The following SEPTIN9 variants were observed in gnomAD, a reference collection of about 807,000 sequenced individuals.
SEPTIN9 encodes the protein septin 9.
In SEPTIN9, 13 loss-of-function variants were observed where a neutral mutation model predicts 56.6. The observed-to-expected ratio is 0.23, with a 90% CI of 0.15 to 0.37. The LOEUF is 0.37. Among genes scored for constraint, SEPTIN9 ranks in the 10% least tolerant of loss-of-function variants. The pLI is 1.00. For missense variants in SEPTIN9, 650 were observed against 823.1 expected (o/e 0.79, Z 2.57); for synonymous variants, 332 against 334.1 (o/e 0.99, Z 0.07).
chr17:77,346,237 C>T (rs559558680), intron 2 of SEPTIN9, among the ~76,000 whole-genome samples: 8 of 139,048 alleles, frequency 5.8e-5, no homozygotes, highest in African/African-American at 1.8e-4. Flanking sequence ...CTACACTGCA[C>T]CTGGCCCATT....
At chr17:77,396,138 A>G (rs2144063675) in intron 2 of SEPTIN9, among the ~76,000 whole-genome samples, 1 of 152,182 alleles carries the variant, frequency 6.6e-6, no homozygotes, top group South Asian at 2.1e-4. Flanking sequence ...CTCCTGCTCT[A>G]TGGGTGGGGG....
At chr17:77,320,010 G>T in intron 2 of SEPTIN9, 1 of 1,303,974 alleles carries the variant, frequency 7.7e-7, no homozygotes, top group African/African-American at 1.5e-5. Flanking sequence ...CGGACTCCTC[G>T]GGGCCCACTT....
chr17:77,417,471 A>G (rs72896165), intron 3 of SEPTIN9, among the ~76,000 whole-genome samples: 2 of 152,312 alleles, frequency 1.3e-5, no homozygotes, highest in Non-Finnish European at 2.9e-5. Flanking sequence ...GATCCTTGTG[A>G]CTCTGGAACA....
chr17:77,405,026 AC>A lies in SEPTIN9; in HGVS notation c.721+2324del, dbSNP rs1370860777. On this transcript the variant is annotated intron_variant, in intron 3 of 11. Transcript: ENST00000427177. The surrounding 1 kb of genome is among the most constrained non-coding windows in gnomAD (Gnocchi z 5.8). ...CCCCATCCTGGGTTGATGTGTTCAC[AC>A]TCAGCTGAGTCAAACAGGATGTGGC... is the stretch of plus-strand genomic sequence containing the variant. The A allele has an allele frequency of 6.7e-7, 1 of 1,501,082 alleles. No individual in the cohort carries two copies. Among genetic ancestry groups the A allele is most frequent in the East Asian group, 2.5e-5 (1 of 40,692 alleles). 93.0% of individuals were successfully genotyped at this position (1,501,082 alleles called of 1,614,324 possible).
At chr17:77,381,116 T>C (rs1201061368) in intron 2 of SEPTIN9, among the ~76,000 whole-genome samples, 1 of 151,922 alleles carries the variant, frequency 6.6e-6, no homozygotes, top group African/African-American at 2.4e-5. Context: ...GGCCTGGGGG[T>C]CCTGGCACCT....
chr17:77,478,820 A>AAT lies in SEPTIN9; in HGVS notation c.722-3324_722-3323insAT, dbSNP rs57230060. Among the ~76,000 whole-genome samples, 1,294 of 151,226 alleles carry AAT rather than the reference A, an allele frequency of 8.6e-3. 7 individuals carry two copies. The highest frequency in any genetic ancestry group is 0.012 in the South Asian group (60 of 4,802). Reference sequence around the variant, plus strand: ...ACTCTGTCTAAAAAAAAAAAAAAAAAGGGTGGAACATACAAGGAATTTGAC... The same window carrying AAT: ...ACTCTGTCTAAAAAAAAAAAAAAAAAATGGGTGGAACATACAAGGAATTTGAC... On this transcript the variant is annotated intron_variant, in intron 3 of 11. Coordinates refer to ENST00000427177, the MANE Select transcript of SEPTIN9 (RefSeq NM_001113491.2).
At position 77,464,889 on chromosome 17, in the gene SEPTIN9, G is replaced by A. The variant is rs191759645; in HGVS notation, c.722-17255G>A. 5.3e-4 allele frequency among the ~76,000 whole-genome samples: 81 copies of A among 152,142 alleles called. 2 individuals carry two copies. In the South Asian group the frequency reaches 0.016, roughly 30 times the overall value. ...ATTACAGGCATGAGCCACTGCGCCC[G>A]GCTGACACAGGAAATTAACCATCAC... On this transcript the variant is annotated intron_variant, in intron 3 of 11. Coordinates refer to ENST00000427177, the MANE Select transcript of SEPTIN9 (RefSeq NM_001113491.2).
chr17:77,397,380 CGAGCACT>C (rs1280103494), intron 2 of SEPTIN9, among the ~76,000 whole-genome samples: 2 of 152,090 alleles, frequency 1.3e-5, no homozygotes, highest in East Asian at 3.9e-4. Flanking sequence ...ATAAGGACAC[CGAGCACT>C]GGATTTAGAG....
chr17:77,381,226 TC>T, intron 2 of SEPTIN9, among the ~76,000 whole-genome samples: 1 of 152,178 alleles, frequency 6.6e-6, no homozygotes, highest in African/African-American at 2.4e-5. Context: ...GTCTCATCTT[TC>T]TTTCTGGTGG....
At chr17:77,322,904 AG>A (rs1281309846) in intron 2 of SEPTIN9, 1 of 152,448 alleles carries the variant, frequency 6.6e-6, no homozygotes, top group Non-Finnish European at 1.5e-5. Flanking sequence ...TGTGTGACAG[AG>A]GCCTGCCCGG....
At chr17:77,320,120 C>T in intron 2 of SEPTIN9, 1 of 1,469,194 alleles carries the variant, frequency 6.8e-7, no homozygotes, top group African/African-American at 1.4e-5. Context: ...GGAGCACAAA[C>T]ATATGATCAG....
intron 3 of SEPTIN9, among the ~76,000 whole-genome samples, chr17:77,459,289 C>G (rs2038354250): frequency 6.6e-6 from 1 of 152,238 alleles, no homozygotes; most frequent in Non-Finnish European, 1.5e-5. Flanking sequence ...TGCCACCTCC[C>G]CAGACTCCTG....
At chr17:77,392,447 T>C (rs374092807) in intron 2 of SEPTIN9, among the ~76,000 whole-genome samples, 14 of 152,328 alleles carry the variant, frequency 9.2e-5, no homozygotes, top group South Asian at 6.2e-4. Context: ...GTTCTTTTCC[T>C]CCTTGTCCAG....
chr17:77,360,678 C>T (rs778571236), intron 2 of SEPTIN9, among the ~76,000 whole-genome samples: 1 of 152,136 alleles, frequency 6.6e-6, no homozygotes, highest in African/African-American at 2.4e-5. Context: ...CATTCTCCTG[C>T]CTGAGCTTCC....
rs1052468260 is a variant in SEPTIN9, at chr17:77,434,720, G to C, written c.721+32017G>C. 6.6e-6 allele frequency among the ~76,000 whole-genome samples: 1 copy of C among 152,350 alleles called. No homozygotes were observed. Among genetic ancestry groups the C allele is most frequent in the East Asian group, 1.9e-4 (1 of 5,184 alleles). ...TTGCACGTGAAGCAAAGGCCTGTTT[G>C]AAGGAGCGTGTGGAAGCCTGGGTGT... On this transcript the variant is annotated intron_variant, in intron 3 of 11. Coordinates refer to ENST00000427177, the MANE Select transcript of SEPTIN9 (RefSeq NM_001113491.2). This position sits in a 1 kb window ranked among gnomAD's most constrained non-coding sequence, Gnocchi z 5.0.
chr17:77,340,773 G>A (rs2033699792), intron 2 of SEPTIN9, among the ~76,000 whole-genome samples: 1 of 152,226 alleles, frequency 6.6e-6, no homozygotes, highest in Non-Finnish European at 1.5e-5. Flanking sequence ...CTTCATCAGT[G>A]CTCTGAGCTA....
In SEPTIN9 at chr17:77,451,737, T is replaced by G. The variant is rs551486774; in HGVS notation, c.722-30407T>G. On this transcript the variant is annotated intron_variant, in intron 3 of 11. Transcript: ENST00000427177. This position sits in a 1 kb window ranked among gnomAD's most constrained non-coding sequence, Gnocchi z 4.2. ...CGATCTCCACGCGGGGACCAGATTT[T>G]CGGCCTCAAAATAGAAGAATAGGGC... Among the ~76,000 whole-genome samples the G allele has an allele frequency of 2.4e-4, 37 of 152,348 alleles. No individual in the cohort carries two copies. Among genetic ancestry groups the G allele is most frequent in the Admixed American group, 8.5e-4 (13 of 15,314 alleles).
chr17:77,327,825 CT>C lies in SEPTIN9; in HGVS notation c.76+20631del, dbSNP rs1223160402. Reference sequence around the variant, plus strand: ...CAGCGAAGAGGCACTGGCTCTGAAACTTTGCCATGAAAGCTTGAAAATGCTC... The same window carrying C: ...CAGCGAAGAGGCACTGGCTCTGAAACTTGCCATGAAAGCTTGAAAATGCTC... On this transcript the variant is annotated intron_variant, in intron 2 of 11. Coordinates refer to ENST00000427177, the MANE Select transcript of SEPTIN9 (RefSeq NM_001113491.2). This position sits in a 1 kb window ranked among gnomAD's most constrained non-coding sequence, Gnocchi z 5.0. Among the ~76,000 whole-genome samples the C allele has an allele frequency of 6.6e-6, 1 of 152,212 alleles. No homozygotes were observed. Among genetic ancestry groups the C allele is most frequent in the African/African-American group, 2.4e-5 (1 of 41,450 alleles).
Position 77,429,230 on chromosome 17 carries a change from G to A in SEPTIN9, c.721+26527G>A, listed in dbSNP as rs1190453837. The A allele has an allele frequency of 4.2e-6, 2 of 471,252 alleles. No homozygotes were observed. Among genetic ancestry groups the A allele is most frequent in the Non-Finnish European group, 4.4e-6 (1 of 227,232 alleles). The allele number at this position is 471,252 out of a possible 1,614,324, so 29.2% of individuals were successfully genotyped here. On this transcript the variant is annotated intron_variant, in intron 3 of 11. Coordinates refer to ENST00000427177, the MANE Select transcript of SEPTIN9 (RefSeq NM_001113491.2). This position sits in a 1 kb window ranked among gnomAD's most constrained non-coding sequence, Gnocchi z 5.2. ...CCACCTTGGTGAGGAGGAAATTGCA[G>A]GTGGAGAAGCTCGTTGACCGTGACC...
Sources: allele counts gnomAD v4.1 joint callset (sites outside exome capture counted in the v4.1 genomes callset), GRCh38; gene constraint gnomAD v4.1.1; non-coding constraint Gnocchi (gnomAD v3.1); transcripts MANE v1.5; gene names NCBI Gene and HGNC (gene_info 2026-07-23, HGNC 2026-07-21).